TMEM132E: variants seen among roughly 807,000 people sequenced by gnomAD.
The protein encoded by TMEM132E is transmembrane protein 132E.
TMEM132E carries 49 observed loss-of-function variants against 78.5 expected under a neutral mutation model. That is an observed-to-expected ratio of 0.62 (90% CI 0.50 to 0.79). The LOEUF is 0.79. Ranked by LOEUF, TMEM132E falls within the 30% of genes least tolerant of loss-of-function variation. The pLI is 0.00. For missense variants in TMEM132E, 1,403 were observed against 1,470.9 expected (o/e 0.95, Z 0.75); for synonymous variants, 715 against 670.6 (o/e 1.07, Z -1.02).
At chr17:34,595,091 A>C (rs1415082995) in intron 1 of TMEM132E, among the ~76,000 whole-genome samples, 1 of 152,214 alleles carries the variant, frequency 6.6e-6, no homozygotes, top group Non-Finnish European at 1.5e-5. Flanking sequence ...TTCTGTAGGA[A>C]CCACTGCCAA....
At chr17:34,627,467 C>CGTGTGTGTGTGTGTGTGTGTGT (rs145658598) in intron 2 of TMEM132E, among the ~76,000 whole-genome samples, 3,930 of 126,408 alleles carry the variant, frequency 0.031, 177 homozygotes, top group Middle Eastern at 0.05. Flanking sequence ...CCAAAAGAAT[C>CGTGTGTGTGTGTGTGTGTGTGT]GTGTGTGTGT....
intron 1 of TMEM132E, among the ~76,000 whole-genome samples, chr17:34,583,273 G>A (rs922433592): frequency 4.6e-5 from 7 of 152,220 alleles, no homozygotes; most frequent in African/African-American, 1.4e-4. Flanking sequence ...CCTACTGAGC[G>A]GACATTTCCC....
intron 2 of TMEM132E, among the ~76,000 whole-genome samples, chr17:34,627,278 C>T (rs780876818): frequency 1.3e-5 from 2 of 152,194 alleles, no homozygotes; most frequent in Non-Finnish European, 2.9e-5. Context: ...AACATTCCTG[C>T]CCCTATTTCT....
chr17:34,624,636 A>G (rs940238514), intron 1 of TMEM132E, among the ~76,000 whole-genome samples: 2 of 152,136 alleles, frequency 1.3e-5, no homozygotes, highest in African/African-American at 2.4e-5. Context: ...AGCAGCCGTG[A>G]GTGTGAAGGT....
intron 1 of TMEM132E, among the ~76,000 whole-genome samples, chr17:34,585,809 C>T (rs927031841): frequency 3.3e-5 from 5 of 152,204 alleles, no homozygotes; most frequent in Non-Finnish European, 7.3e-5. Context: ...TGAGGGATTC[C>T]AGACCTGACC....
intron 1 of TMEM132E, among the ~76,000 whole-genome samples, chr17:34,592,694 G>A (rs1905915006): frequency 6.6e-6 from 1 of 152,208 alleles, no homozygotes; most frequent in African/African-American, 2.4e-5. Flanking sequence ...GGCCACTGCA[G>A]TTATGCACTC....
chr17:34,585,143 C>T (rs1201620516), intron 1 of TMEM132E, among the ~76,000 whole-genome samples: 1 of 152,196 alleles, frequency 6.6e-6, no homozygotes, highest in Non-Finnish European at 1.5e-5. Context: ...CACAACATAG[C>T]CTTGTTAATG....
Position 34,580,926 on chromosome 17 carries a change from G to A in TMEM132E, c.-151G>A, listed in dbSNP as rs559532576. 2.0e-6 allele frequency: 1 copy of A among 509,388 alleles called. No homozygotes were observed. The highest frequency in any genetic ancestry group is 3.4e-6 in the Non-Finnish European group (1 of 297,352). The allele number at this position is 509,388 out of a possible 1,614,324, so 31.6% of individuals were successfully genotyped here. On this transcript the variant is annotated 5_prime_UTR_variant, in exon 1 of 9. It adds an upstream start codon to the 5' untranslated region. Transcript: ENST00000631683. Reference sequence around the variant, plus strand: ...GCCTGGGACGCCCCCTCCCCGCAAAGTGTCCCCGAATTGCACTCTCTGGTC... The same window carrying A: ...GCCTGGGACGCCCCCTCCCCGCAAAATGTCCCCGAATTGCACTCTCTGGTC...
At chr17:34,606,102 T>G (rs1443377852) in intron 1 of TMEM132E, among the ~76,000 whole-genome samples, 1 of 152,192 alleles carries the variant, frequency 6.6e-6, no homozygotes, top group Middle Eastern at 3.2e-3. Flanking sequence ...CCTAGCATTT[T>G]GGGAGGCCAA....
At chr17:34,612,903 G>C (rs1906638059) in intron 1 of TMEM132E, among the ~76,000 whole-genome samples, 1 of 152,072 alleles carries the variant, frequency 6.6e-6, no homozygotes, top group Admixed American at 6.6e-5. Context: ...AGTTTTCCCA[G>C]AGTTATTGTG....
Position 34,637,308 on chromosome 17 carries a change from G to C in TMEM132E, c.2301G>C (p.Arg767=), listed in dbSNP as rs1273706908. The stretch of plus-strand genomic sequence containing the variant: ...ATGTGGCCACTGTGACCCAGGACCG[G>C]GCCTTCCCTCTGGTAGTGGCTGAGG... ...DEHVATVTQD[R]AFPLVVAEAE... is the part of the protein sequence containing the mutation. The change falls in exon 9 of 9, where the codon CGG becomes CGC. Residue 767 remains arginine (R), a synonymous_variant. Coordinates refer to ENST00000631683, the MANE Select transcript of TMEM132E (RefSeq NM_001304438.2). The C allele has an allele frequency of 3.1e-6, 5 of 1,614,150 alleles. No individual in the cohort carries two copies. Among genetic ancestry groups the C allele is most frequent in the Non-Finnish European group, 3.4e-6 (4 of 1,180,042 alleles).
chr17:34,581,408 C>G (rs968376716), intron 1 of TMEM132E, among the ~76,000 whole-genome samples: 4 of 151,912 alleles, frequency 2.6e-5, no homozygotes, highest in South Asian at 4.2e-4. Context: ...GGTTCGAACC[C>G]GAAGGTCTGG....
intron 1 of TMEM132E, among the ~76,000 whole-genome samples, chr17:34,612,271 A>G (rs1002526080): frequency 2.6e-5 from 4 of 152,220 alleles, no homozygotes; most frequent in African/African-American, 7.2e-5. Flanking sequence ...AGGGAAACCA[A>G]GCTAAGACTC....
At chr17:34,612,441 G>C (rs1201424255) in intron 1 of TMEM132E, among the ~76,000 whole-genome samples, 2 of 152,150 alleles carry the variant, frequency 1.3e-5, no homozygotes, top group East Asian at 1.9e-4. Flanking sequence ...TGGCTTATGG[G>C]ACCCAACTGT....
chr17:34,630,258 C>T lies in TMEM132E; in HGVS notation c.1482+107C>T. The stretch of plus-strand genomic sequence containing the variant: ...GCTGACTCTTACTCATCCTCTAACA[C>T]TGAACCCAGGCCTCCCTGTGCTGGG... On this transcript the variant is annotated intron_variant, in intron 5 of 8. Coordinates refer to ENST00000631683, the MANE Select transcript of TMEM132E (RefSeq NM_001304438.2). 1.0e-5 allele frequency: 13 copies of T among 1,254,972 alleles called. No homozygotes were observed. In the South Asian group the frequency reaches 1.9e-4, roughly 19 times the overall value. The allele number at this position is 1,254,972 out of a possible 1,614,324, so 77.7% of individuals were successfully genotyped here.
rs1278250777 is a variant in TMEM132E, at chr17:34,637,986, C to T, written c.2979C>T (p.Gly993=). The change falls in exon 9 of 9, where the codon GGC becomes GGT. Residue 993 remains glycine (G), a synonymous_variant. Transcript: ENST00000631683. The stretch of plus-strand genomic sequence containing the variant: ...GCAGGGGCGACGGCTCCTCGGGCGG[C>T]TCAGCCCGAGACCAAGCCGAGGACC... ...VHGRGDGSSG[G]SARDQAEDPA... 6.3e-7 allele frequency: 1 copy of T among 1,589,194 alleles called. No homozygotes were observed. Among genetic ancestry groups the T allele is most frequent in the East Asian group, 2.3e-5 (1 of 43,554 alleles).
chr17:34,639,121 GA>G lies in TMEM132E; in HGVS notation c.*890del, dbSNP rs1907653900. 5.9e-5 allele frequency: 9 copies of G among 152,660 alleles called. No individual in the cohort carries two copies. Among genetic ancestry groups the G allele is most frequent in the Admixed American group, 5.9e-4 (9 of 15,282 alleles). 9.5% of individuals were successfully genotyped at this position (152,660 alleles called of 1,614,324 possible). ...CTATGCCCCACAAGACGGAACCCGG[GA>G]GGGGAGTAGAGGGCACCAGGGAATG... On this transcript the variant is annotated 3_prime_UTR_variant, in exon 9 of 9. Transcript: ENST00000631683.
intron 1 of TMEM132E, among the ~76,000 whole-genome samples, chr17:34,600,423 A>ATAAG: frequency 1.7e-5 from 1 of 59,172 alleles, no homozygotes; most frequent in Non-Finnish European, 3.4e-5. Context: ...TTGAGCGTAT[A>ATAAG]TGAGTGTGTG....
intron 1 of TMEM132E, among the ~76,000 whole-genome samples, chr17:34,615,237 T>A (rs1169134119): frequency 1.3e-5 from 2 of 150,586 alleles, no homozygotes; most frequent in African/African-American, 2.4e-5. Context: ...AGTACCCTCG[T>A]CCTCCTTCAG....
Sources: gnomAD v4.1 joint callset for allele counts (sites outside exome capture counted in the v4.1 genomes callset) on GRCh38, gnomAD v4.1.1 for gene constraint, MANE v1.5 for transcripts, NCBI Gene and HGNC (gene_info 2026-07-23, HGNC 2026-07-21) for gene names.